METTL22: variants seen among roughly 807,000 people sequenced by gnomAD.
The protein encoded by METTL22 is methyltransferase 22, Kin17 lysine.
A neutral mutation model predicts 48.4 loss-of-function variants in METTL22; 51 were observed. The observed-to-expected ratio is 1.05, with a 90% CI of 0.84 to 1.33. METTL22 has a LOEUF of 1.33. METTL22 is among the 40% of genes most tolerant of loss of function. The pLI is 0.00. For missense variants in METTL22, 678 were observed against 526.9 expected, an observed-to-expected ratio of 1.29 and a Z score of -2.81; for synonymous variants, 255 against 214.1, an observed-to-expected ratio of 1.19 and a Z score of -1.67.
At position 8,639,155 on chromosome 16, in the gene METTL22, C is replaced by T; in HGVS notation, c.765C>T (p.Ala255=). Residue 255 remains alanine, a synonymous_variant, in exon 6 of 11, where the codon GCC becomes GCT. Coordinates refer to ENST00000381920, the MANE Select transcript of METTL22 (RefSeq NM_024109.4). ...RNIALNSHLA[A]TGGGIVRVKE... is the part of the protein sequence containing the mutation. ...TTGCCCTCAACAGCCACCTGGCTGC[C>T]ACTGGAGGTGAGGCCCAGGGGGTCT... is the stretch of plus-strand genomic sequence containing the variant. 1 of 1,614,016 alleles carries T rather than the reference C, an allele frequency of 6.2e-7. No individual in the cohort carries two copies.
In METTL22 at chr16:8,628,795, G is replaced by A. The variant is rs1382796173; in HGVS notation, c.199G>A (p.Gly67Ser). Reference sequence around the variant, plus strand: ...TTGGACAGATTCAGGAGCCAAGGGTGGCAGTCACAGAGATGTTCACACAAA... The same window carrying A: ...TTGGACAGATTCAGGAGCCAAGGGTAGCAGTCACAGAGATGTTCACACAAA... Reference protein sequence around the residue: ...DSWTDSGAKGGSHRDVHTKEP... With the variant: ...DSWTDSGAKGSSHRDVHTKEP... Residue 67 changes from glycine to serine, a missense_variant, in exon 3 of 11, where the codon GGC becomes AGC. By Grantham distance (56) the Gly-to-Ser change is moderately conservative. Coordinates refer to ENST00000381920, the MANE Select transcript of METTL22 (RefSeq NM_024109.4). 3 of 1,614,064 alleles carry A rather than the reference G, an allele frequency of 1.9e-6. No individual in the cohort carries two copies. The highest frequency in any genetic ancestry group is 2.7e-5 in the African/African-American group (2 of 74,924).
intron 3 of METTL22, among the ~76,000 whole-genome samples, chr16:8,633,447 C>T (rs565319174): frequency 6.6e-6 from 1 of 152,118 alleles, no homozygotes; most frequent in Admixed American, 6.6e-5. Context: ...AACTACAAAA[C>T]TAAAAAAATT....
intron 3 of METTL22, among the ~76,000 whole-genome samples, chr16:8,631,036 C>G (rs909102060): frequency 6.6e-6 from 1 of 152,180 alleles, no homozygotes; most frequent in African/African-American, 2.4e-5. Flanking sequence ...GAACCACTGT[C>G]CCTGGGTTTT....
At chr16:8,665,859 G>T in the METTL22 span, among the ~76,000 whole-genome samples, 1 of 152,230 alleles carries the variant, frequency 6.6e-6, no homozygotes, top group East Asian at 1.9e-4. Context: ...AAGTGTGGAA[G>T]TATAAGTGAG....
the METTL22 span, among the ~76,000 whole-genome samples, chr16:8,656,840 C>A: frequency 6.6e-6 from 1 of 152,274 alleles, no homozygotes; most frequent in Non-Finnish European, 1.5e-5. Context: ...AGGCCAGCAT[C>A]TGGCAAGGGC....
intron 5 of METTL22, among the ~76,000 whole-genome samples, chr16:8,636,997 G>C (rs1168860398): frequency 6.6e-6 from 1 of 152,240 alleles, no homozygotes; most frequent in Non-Finnish European, 1.5e-5. Flanking sequence ...AAACCAGCCA[G>C]TGAAGTTAAC....
At chr16:8,653,538 G>A (rs569288652), downstream of METTL22, among the ~76,000 whole-genome samples, 34 of 152,332 alleles carry the variant, frequency 2.2e-4, no homozygotes, top group South Asian at 6.2e-4. Context: ...TTTCATCAGT[G>A]ATTAAAGGCA....
intron 7 of METTL22, 121 bp from the exon 8 acceptor site, chr16:8,642,006 C>G: frequency 1.3e-6 from 1 of 756,716 alleles, no homozygotes; most frequent in Non-Finnish European, 2.4e-6. Flanking sequence ...GTGGTGCCCA[C>G]TGCACCGAGC....
At chr16:8,645,243 G>C (rs540600466) in intron 10 of METTL22, among the ~76,000 whole-genome samples, 1 of 152,164 alleles carries the variant, frequency 6.6e-6, no homozygotes, top group African/African-American at 2.4e-5. Context: ...CTCTATGTCT[G>C]TGGAGACCCG....
intron 2 of METTL22, among the ~76,000 whole-genome samples, chr16:8,626,902 G>A (rs912554686): frequency 1.6e-4 from 24 of 151,680 alleles, no homozygotes; most frequent in Non-Finnish European, 3.2e-4. Context: ...AAGTAGCTGG[G>A]ACTACAGGCA....
At position 8,647,922 on chromosome 16, in the gene METTL22, T is replaced by G. The variant is rs1441115787; in HGVS notation, c.*1779T>G. On this transcript the variant is annotated 3_prime_UTR_variant, in exon 11 of 11. Transcript: ENST00000381920. Reference sequence around the variant, plus strand: ...ACAGCAACCAAGGGCAGAGTCAGGTTTAGAGCCCATGTCCACCCATGTCCA... The same window carrying G: ...ACAGCAACCAAGGGCAGAGTCAGGTGTAGAGCCCATGTCCACCCATGTCCA... 6.6e-6 allele frequency: 1 copy of G among 152,286 alleles called. No homozygotes were observed. Among genetic ancestry groups the G allele is most frequent in the Non-Finnish European group, 1.5e-5 (1 of 68,070 alleles). The allele number at this position is 152,286 out of a possible 1,614,324, so 9.4% of individuals were successfully genotyped here.
intron 2 of METTL22, among the ~76,000 whole-genome samples, chr16:8,627,896 GC>G (rs2056116320): frequency 6.6e-6 from 1 of 152,158 alleles, no homozygotes; most frequent in East Asian, 1.9e-4. Flanking sequence ...ATAGGCACAT[GC>G]CACCATACCT....
At chr16:8,655,190 G>A in the METTL22 span, among the ~76,000 whole-genome samples, 6 of 152,124 alleles carry the variant, frequency 3.9e-5, no homozygotes, top group Admixed American at 2.6e-4. Flanking sequence ...CATAAATCTG[G>A]GCTTAGTTTA....
In METTL22 at chr16:8,628,775, C is replaced by T; in HGVS notation, c.179C>T (p.Thr60Ile). 6.2e-7 allele frequency: 1 copy of T among 1,614,180 alleles called. No homozygotes were observed. Among genetic ancestry groups the T allele is most frequent in the Non-Finnish European group, 8.5e-7 (1 of 1,180,018 alleles). Residue 60 changes from threonine to isoleucine, a missense_variant, in exon 3 of 11, where the codon ACA (threonine) becomes ATA (isoleucine). Physicochemically the swap from Thr to Ile is moderately conservative, Grantham distance 89. Coordinates refer to ENST00000381920, the MANE Select transcript of METTL22 (RefSeq NM_024109.4). ...FKLLWSQDSWTDSGAKGGSHR... is the reference protein window; with the variant it reads ...FKLLWSQDSWIDSGAKGGSHR... ...CTTCTATGGAGCCAAGACTCTTGGACAGATTCAGGAGCCAAGGGTGGCAGT... is the reference window on the plus strand; with the variant it reads ...CTTCTATGGAGCCAAGACTCTTGGATAGATTCAGGAGCCAAGGGTGGCAGT...
At chr16:8,624,780 C>T (rs977540412) in intron 1 of METTL22, among the ~76,000 whole-genome samples, 3 of 151,994 alleles carry the variant, frequency 2.0e-5, no homozygotes, top group South Asian at 2.1e-4. Flanking sequence ...GCAGGAGGAT[C>T]GCGTGAAGTT....
In METTL22 at chr16:8,646,982, G is replaced by T; in HGVS notation, c.*839G>T. 1 of 325,164 alleles carries T rather than the reference G, an allele frequency of 3.1e-6. No individual in the cohort carries two copies. Among genetic ancestry groups the T allele is most frequent in the East Asian group, 8.0e-5 (1 of 12,524 alleles). The allele number at this position is 325,164 out of a possible 1,614,324, so 20.1% of individuals were successfully genotyped here. A position where few individuals can be genotyped will look rare whatever the true frequency, so the allele number is the denominator to read the frequency against. On this transcript the variant is annotated 3_prime_UTR_variant, in exon 11 of 11. Transcript: ENST00000381920. ...GTCTCTCTCCTTCTCTCCAGTTTTG[G>T]TCCCATCTTCCTGCTACCCTTGGCC...
At chr16:8,653,071 G>T (rs2141838962), downstream of METTL22, among the ~76,000 whole-genome samples, 1 of 152,314 alleles carries the variant, frequency 6.6e-6, no homozygotes, top group South Asian at 2.1e-4. Flanking sequence ...AAACGGTGGT[G>T]CTGCTGATAT....
At chr16:8,662,128 G>A in the METTL22 span, among the ~76,000 whole-genome samples, 1 of 145,654 alleles carries the variant, frequency 6.9e-6, no homozygotes, top group Non-Finnish European at 1.5e-5. Flanking sequence ...CGTAGTCCCA[G>A]CTACTCAGGA....
At chr16:8,636,654 T>TG (rs1340722054) in intron 5 of METTL22, among the ~76,000 whole-genome samples, 1 of 151,484 alleles carries the variant, frequency 6.6e-6, no homozygotes, top group African/African-American at 2.4e-5. Context: ...TGGTTTTTGT[T>TG]TTTTTTTGCA....
Sources: gnomAD v4.1 joint callset for allele counts (sites outside exome capture counted in the v4.1 genomes callset) on GRCh38, gnomAD v4.1.1 for gene constraint, MANE v1.5 for transcripts, NCBI Gene and HGNC (gene_info 2026-07-23, HGNC 2026-07-21) for gene names.